Variants in GMPR observed in about 807,000 individuals in gnomAD.
The protein encoded by GMPR is guanosine monophosphate reductase, also known as GMP reductase 1.
In GMPR, 31 loss-of-function variants were observed where a neutral mutation model predicts 38.4. The ratio of observed to expected loss-of-function variants is 0.81; its 90% CI spans 0.61 to 1.09. The LOEUF (loss-of-function observed/expected upper bound fraction) is 1.09, where lower values mean the gene tolerates loss of function less well. Among genes scored for constraint, GMPR ranks in the 50% least tolerant of loss-of-function variants. GMPR has a pLI of 0.00. For missense variants in GMPR, 468 were observed against 453.7 expected, an observed-to-expected ratio of 1.03 and a Z score of -0.29; for synonymous variants, 162 against 173.3, an observed-to-expected ratio of 0.93 and a Z score of 0.51.
At chr6:16,260,245 A>C (rs1239382808) in intron 4 of GMPR, among the ~76,000 whole-genome samples, 1 of 152,018 alleles carries the variant, frequency 6.6e-6, no homozygotes, top group Admixed American at 6.6e-5. Flanking sequence ...TGAGGACCGT[A>C]AGGGATATAA....
At chr6:16,262,533 G>C (rs1454400762) in intron 4 of GMPR, 2 of 152,038 alleles carry the variant, frequency 1.3e-5, no homozygotes, top group African/African-American at 4.8e-5. Flanking sequence ...TTGTGTGCTG[G>C]AGATGTGGCT....
intron 4 of GMPR, among the ~76,000 whole-genome samples, chr6:16,259,864 C>T: frequency 6.6e-6 from 1 of 152,062 alleles, no homozygotes; most frequent in East Asian, 1.9e-4. Context: ...TTGGGGATAG[C>T]ACCAGGAGAT....
Position 16,290,611 on chromosome 6 carries a change from G to C in GMPR, c.847G>C (p.Ala283Pro). ...TAMNKHAGGV[A>P]EYRASEGKTV... Reference sequence around the variant, plus strand: ...CATGAACAAGCACGCAGGAGGAGTTGCTGAGTACAGGTGAGGAGGTGACCC... The same window carrying C: ...CATGAACAAGCACGCAGGAGGAGTTCCTGAGTACAGGTGAGGAGGTGACCC... The change falls in exon 8 of 9, where the codon GCT becomes CCT. Residue 283 changes from alanine (A) to proline (P), a missense_variant. Coordinates refer to ENST00000259727, the MANE Select transcript of GMPR (RefSeq NM_006877.4). 6.2e-7 allele frequency: 1 copy of C among 1,614,128 alleles called. No homozygotes were observed. Among genetic ancestry groups the C allele is most frequent in the Non-Finnish European group, 8.5e-7 (1 of 1,180,004 alleles).
chr6:16,284,454 A>G (rs984172585), intron 6 of GMPR, among the ~76,000 whole-genome samples: 5 of 152,070 alleles, frequency 3.3e-5, no homozygotes, highest in Non-Finnish European at 7.4e-5. Context: ...ATTCCTTCCC[A>G]AAGTGGGTCC....
intron 3 of GMPR, among the ~76,000 whole-genome samples, chr6:16,251,746 T>C (rs752538619): frequency 8.5e-5 from 13 of 152,156 alleles, no homozygotes; most frequent in Non-Finnish European, 1.5e-4. Flanking sequence ...TATGAAAATA[T>C]TCTAAAATCT....
At chr6:16,244,097 GC>G (rs1758710717) in intron 1 of GMPR, among the ~76,000 whole-genome samples, 1 of 149,800 alleles carries the variant, frequency 6.7e-6, no homozygotes, top group Non-Finnish European at 1.5e-5. Flanking sequence ...GAATGAAATT[GC>G]TTTTTTTTTT....
intron 5 of GMPR, 52 bp downstream of exon 5, chr6:16,274,548 C>A (rs62387699): frequency 0.01 from 10,681 of 1,048,594 alleles, 102 homozygotes; most frequent in Non-Finnish European, 0.011. Flanking sequence ...AGAATGGGAT[C>A]TGGGGCTTGC....
chr6:16,265,121 TA>T (rs966164436), intron 4 of GMPR, among the ~76,000 whole-genome samples: 2 of 151,986 alleles, frequency 1.3e-5, no homozygotes, highest in Non-Finnish European at 2.9e-5. Flanking sequence ...ACTTCTTTGT[TA>T]AAAAAAAGTT....
chr6:16,238,927 C>A, intron 1 of GMPR, 147 bp downstream of exon 1: 1 of 371,082 alleles, frequency 2.7e-6, no homozygotes, highest in Non-Finnish European at 5.1e-6. Flanking sequence ...CGCGCCCCAG[C>A]ACCTGCCAGG....
At chr6:16,249,166 ATTT>A (rs11292107) in intron 2 of GMPR, among the ~76,000 whole-genome samples, 4,040 of 96,512 alleles carry the variant, frequency 0.042, 82 homozygotes, top group East Asian at 0.16. Context: ...ACATTTTGTA[ATTT>A]TTTTTTTTTT....
chr6:16,272,722 A>G (rs1346372357), intron 4 of GMPR, among the ~76,000 whole-genome samples: 1 of 152,188 alleles, frequency 6.6e-6, no homozygotes, highest in Non-Finnish European at 1.5e-5. Context: ...AGCTCTTATT[A>G]TGTTAAGGAT....
At chr6:16,254,883 T>C (rs1023796399) in intron 4 of GMPR, 148 bp downstream of exon 4, 32 of 585,204 alleles carry the variant, frequency 5.5e-5, no homozygotes, top group Non-Finnish European at 9.1e-5. Flanking sequence ...TGGGAAAGGA[T>C]AGGTAGCCGC....
intron 4 of GMPR, among the ~76,000 whole-genome samples, chr6:16,255,015 CTT>C (rs779608663): frequency 6.9e-6 from 1 of 143,930 alleles, no homozygotes. Context: ...GATACTTTTT[CTT>C]TTTTTTTTTT....
chr6:16,292,702 G>A (rs1377799530), intron 8 of GMPR, among the ~76,000 whole-genome samples: 2 of 152,186 alleles, frequency 1.3e-5, no homozygotes, highest in Admixed American at 6.5e-5. Context: ...GCAGCAGCTA[G>A]GTGCTTTGCC....
rs143907374 is a variant in GMPR at position 16,274,726 on chromosome 6, T to C, written c.547+230T>C. On this transcript the variant is annotated intron_variant, in intron 5 of 8. Coordinates refer to ENST00000259727, the MANE Select transcript of GMPR (RefSeq NM_006877.4). ...GATTTTCTAAATTATGGTTAGAATA[T>C]ATGGATGTGGTCAGAATATGAGGGC... 1.5e-4 allele frequency among the ~76,000 whole-genome samples: 23 copies of C among 152,310 alleles called. No homozygotes were observed. In the East Asian group the frequency reaches 4.2e-3, roughly 28 times the overall value.
At chr6:16,270,280 A>G (rs1759356883) in intron 4 of GMPR, among the ~76,000 whole-genome samples, 1 of 152,190 alleles carries the variant, frequency 6.6e-6, no homozygotes, top group Non-Finnish European at 1.5e-5. Context: ...GTTGCCTATC[A>G]GAAACCTCCA....
chr6:16,281,649 C>G (rs1466258355), intron 6 of GMPR, among the ~76,000 whole-genome samples: 1 of 150,300 alleles, frequency 6.7e-6, no homozygotes, highest in Non-Finnish European at 1.5e-5. Flanking sequence ...GGATTACAGG[C>G]ACGCGCCACC....
At chr6:16,266,916 C>T (rs551723778) in intron 4 of GMPR, among the ~76,000 whole-genome samples, 1 of 152,208 alleles carries the variant, frequency 6.6e-6, no homozygotes, top group African/African-American at 2.4e-5. Flanking sequence ...CCTTTAAGAG[C>T]TGTAACACTC....
intron 7 of GMPR, among the ~76,000 whole-genome samples, chr6:16,287,909 C>G (rs1248914263): frequency 6.6e-6 from 1 of 152,192 alleles, no homozygotes; most frequent in African/African-American, 2.4e-5. Context: ...TTTAAATGAC[C>G]AAATTGAAGG....
Sources: gnomAD v4.1 joint callset for allele counts (sites outside exome capture counted in the v4.1 genomes callset) on GRCh38, gnomAD v4.1.1 for gene constraint, MANE v1.5 for transcripts, NCBI Gene and HGNC (gene_info 2026-07-23, HGNC 2026-07-21) for gene names.